ANKRD31: variants seen among roughly 807,000 people sequenced by gnomAD.
The protein encoded by ANKRD31 is ankyrin repeat domain-containing protein 31.
ANKRD31 carries 147 observed loss-of-function variants against 186.0 expected under a neutral mutation model. The ratio of observed to expected loss-of-function variants is 0.79; its 90% CI spans 0.69 to 0.91. The LOEUF (loss-of-function observed/expected upper bound fraction) is 0.91. ANKRD31 is among the 40% of genes least tolerant of loss of function. The pLI is 0.00. For missense variants in ANKRD31, 1,986 were observed against 2,148.8 expected (o/e 0.92, Z 1.50); for synonymous variants, 673 against 736.4 (o/e 0.91, Z 1.39).
rs1438752479 is a variant in ANKRD31 at position 75,146,495 on chromosome 5, A to T, written c.2916T>A (p.Val972=). Residue 972 remains valine, a synonymous_variant, in exon 14 of 26, where the codon GTT becomes GTA. Transcript: ENST00000506364. ...SLTTLPEQEA[V]NFSYSDNAVI... Reference sequence around the variant, plus strand: ...CTGCATTATCTGAATAAGAAAAATTAACAGCTTCCTGTTCTGGAAGTGTGG... The same window carrying T: ...CTGCATTATCTGAATAAGAAAAATTTACAGCTTCCTGTTCTGGAAGTGTGG... 6.5e-7 allele frequency: 1 copy of T among 1,536,552 alleles called. No homozygotes were observed. The highest frequency in any genetic ancestry group is 1.4e-5 in the African/African-American group (1 of 73,108).
intron 19 of ANKRD31, among the ~76,000 whole-genome samples, chr5:75,113,986 C>T (rs1308066038): frequency 1.3e-5 from 2 of 152,124 alleles, no homozygotes; most frequent in East Asian, 1.9e-4. Flanking sequence ...TACTCAGTCT[C>T]GGACACTGTG....
intron 10 of ANKRD31, among the ~76,000 whole-genome samples, chr5:75,176,120 G>A (rs761842622): frequency 2.6e-5 from 4 of 152,140 alleles, no homozygotes; most frequent in African/African-American, 4.8e-5. Context: ...CTATGCCCAC[G>A]GAGCTTCACT....
At chr5:75,116,418 A>AAAAT (rs879873130) in intron 19 of ANKRD31, 148 bp downstream of exon 19, 3 of 253,730 alleles carry the variant, frequency 1.2e-5, no homozygotes, top group African/African-American at 2.3e-5. Context: ...ATAATAATAA[A>AAAAT]AAATAAATAA....
intron 3 of ANKRD31, among the ~76,000 whole-genome samples, chr5:75,216,342 G>A (rs934003162): frequency 6.6e-6 from 1 of 152,110 alleles, no homozygotes; most frequent in Non-Finnish European, 1.5e-5. Flanking sequence ...TATTTAAAAA[G>A]CTACCCAAAT....
intron 10 of ANKRD31, 72 bp downstream of exon 10, chr5:75,188,421 C>T: frequency 7.2e-7 from 1 of 1,396,142 alleles, no homozygotes. Flanking sequence ...CTTTGCTATA[C>T]TTTCCTAAGA....
intron 10 of ANKRD31, among the ~76,000 whole-genome samples, chr5:75,176,008 A>G (rs1753767214): frequency 1.3e-5 from 2 of 152,148 alleles, no homozygotes; most frequent in Non-Finnish European, 2.9e-5. Context: ...GACAGACGGC[A>G]CCTGGAAAAT....
intron 19 of ANKRD31, among the ~76,000 whole-genome samples, chr5:75,113,596 A>G (rs1747953434): frequency 6.6e-6 from 1 of 152,148 alleles, no homozygotes; most frequent in African/African-American, 2.4e-5. Context: ...ATCCTTTAAT[A>G]TACTCTCCAT....
At chr5:75,180,578 C>T (rs969736497) in intron 10 of ANKRD31, among the ~76,000 whole-genome samples, 11 of 152,016 alleles carry the variant, frequency 7.2e-5, no homozygotes, top group Non-Finnish European at 8.8e-5. Context: ...GAAGTAATGC[C>T]GCATATCTAC....
At chr5:75,131,084 C>T (rs1749763423) in intron 17 of ANKRD31, among the ~76,000 whole-genome samples, 1 of 152,190 alleles carries the variant, frequency 6.6e-6, no homozygotes, top group Admixed American at 6.5e-5. Flanking sequence ...GCAGGGTCCA[C>T]CGAGCCCACA....
chr5:75,131,570 T>C (rs1749839034), intron 17 of ANKRD31, among the ~76,000 whole-genome samples: 1 of 152,170 alleles, frequency 6.6e-6, no homozygotes, highest in Admixed American at 6.5e-5. Flanking sequence ...CTCTGTAGAC[T>C]CCACCTCTGG....
chr5:75,153,914 A>G (rs1297302434), intron 12 of ANKRD31, among the ~76,000 whole-genome samples: 1 of 152,102 alleles, frequency 6.6e-6, no homozygotes, highest in African/African-American at 2.4e-5. Context: ...ATATCATGTT[A>G]TTTAGTCAAA....
chr5:75,225,791 T>TAAAG (rs1247564912), intron 2 of ANKRD31: 1 of 157,062 alleles, frequency 6.4e-6, no homozygotes, highest in Non-Finnish European at 1.4e-5. Flanking sequence ...GAGGGAAAAG[T>TAAAG]AAAGGGGACT....
At chr5:75,210,759 A>T in intron 4 of ANKRD31, 69 bp downstream of exon 4, 1 of 1,082,908 alleles carries the variant, frequency 9.2e-7, no homozygotes, top group East Asian at 2.8e-5. Flanking sequence ...AAAAATGAAT[A>T]TTCATCTTAG....
At chr5:75,192,623 T>G in intron 9 of ANKRD31, 44 bp downstream of exon 9, 1 of 1,369,148 alleles carries the variant, frequency 7.3e-7, no homozygotes, top group Non-Finnish European at 9.9e-7. Flanking sequence ...CTACCAATTC[T>G]GTTTTTGTAA....
Position 75,112,607 on chromosome 5 carries a change from G to A in ANKRD31, c.4156-7C>T. Reference sequence around the variant, plus strand: ...TGGCACTGAGGGTCTGATGCTATCAGATAAAAATATTTGAAACTTCATTAT... The same window carrying A: ...TGGCACTGAGGGTCTGATGCTATCAAATAAAAATATTTGAAACTTCATTAT... On this transcript the variant is annotated splice_polypyrimidine_tract_variant and splice_region_variant and intron_variant, in intron 19 of 25. Transcript: ENST00000506364. The A allele has an allele frequency of 6.7e-7, 1 of 1,487,246 alleles. No individual in the cohort carries two copies. Among genetic ancestry groups the A allele is most frequent in the South Asian group, 1.3e-5 (1 of 77,996 alleles). The allele number at this position is 1,487,246 out of a possible 1,614,324, so 92.1% of individuals were successfully genotyped here. A position where few individuals can be genotyped will look rare whatever the true frequency, so the allele number is the denominator to read the frequency against.
At chr5:75,070,852 G>A (rs964813542) in intron 25 of ANKRD31, among the ~76,000 whole-genome samples, 1 of 152,178 alleles carries the variant, frequency 6.6e-6, no homozygotes, top group Non-Finnish European at 1.5e-5. Flanking sequence ...CAGTACTTTG[G>A]GAGGCCAAGA....
At chr5:75,079,664 T>A (rs1253168700) in intron 25 of ANKRD31, among the ~76,000 whole-genome samples, 2 of 152,090 alleles carry the variant, frequency 1.3e-5, no homozygotes, top group Non-Finnish European at 2.9e-5. Flanking sequence ...TTAGTAGAGA[T>A]GGGGTTTCAT....
At chr5:75,230,535 C>A in intron 2 of ANKRD31, 27 bp downstream of exon 2, 1 of 1,505,258 alleles carries the variant, frequency 6.6e-7, no homozygotes, top group South Asian at 1.2e-5. Flanking sequence ...ACTAAAGGGA[C>A]TACTTAATGA....
intron 3 of ANKRD31, among the ~76,000 whole-genome samples, chr5:75,221,028 T>C (rs1404160091): frequency 6.6e-6 from 1 of 152,152 alleles, no homozygotes; most frequent in African/African-American, 2.4e-5. Context: ...TGCAGCAACA[T>C]GGATGGAACT....
Sources: allele counts gnomAD v4.1 joint callset (sites outside exome capture counted in the v4.1 genomes callset), GRCh38; gene constraint gnomAD v4.1.1; transcripts MANE v1.5; gene names NCBI Gene and HGNC (gene_info 2026-07-23, HGNC 2026-07-21).